Variants in CACNB2 observed in about 807,000 individuals in gnomAD.
CACNB2 encodes voltage-dependent L-type calcium channel subunit beta-2.
In CACNB2, 42 loss-of-function variants were observed where a neutral mutation model predicts 73.3. That is an observed-to-expected ratio of 0.57 (90% confidence interval 0.45 to 0.74). The LOEUF is 0.74. CACNB2 is among the 30% of genes least tolerant of loss of function. The probability of loss-of-function intolerance (pLI) is 0.00; values close to 1 mark genes in which losing one functional copy is unlikely to be tolerated. For missense variants in CACNB2, 940 were observed against 853.0 expected (o/e 1.10, Z -1.27); for synonymous variants, 348 against 310.3 (o/e 1.12, Z -1.28).
chr10:18,240,578 C>T (rs1352127657), intron 2 of CACNB2, among the ~76,000 whole-genome samples: 2 of 152,200 alleles, frequency 1.3e-5, no homozygotes, highest in Non-Finnish European at 2.9e-5. Context: ...TCAGACTCAA[C>T]ACATCCAAAA....
At chr10:18,395,740 G>A (rs564022915) in intron 2 of CACNB2, among the ~76,000 whole-genome samples, 2 of 152,226 alleles carry the variant, frequency 1.3e-5, no homozygotes, top group South Asian at 2.1e-4. Flanking sequence ...ACCCTGCAGC[G>A]ATGTATTGCT....
intron 9 of CACNB2, among the ~76,000 whole-genome samples, chr10:18,525,372 G>A (rs886231281): frequency 2.0e-5 from 3 of 152,098 alleles, no homozygotes; most frequent in African/African-American, 7.2e-5. Flanking sequence ...TAGCCTGAAT[G>A]TTTACAAACC....
intron 5 of CACNB2, among the ~76,000 whole-genome samples, chr10:18,501,423 G>C (rs562837706): frequency 6.6e-6 from 1 of 152,198 alleles, no homozygotes; most frequent in Non-Finnish European, 1.5e-5. Context: ...TCTACCCACT[G>C]TTAAGCACTT....
chr10:18,451,316 G>C (rs541102722), intron 3 of CACNB2, among the ~76,000 whole-genome samples: 2 of 152,196 alleles, frequency 1.3e-5, no homozygotes, highest in Admixed American at 6.5e-5. Context: ...TTTAAGAAGA[G>C]ATTTAGAAGC....
chr10:18,433,521 G>C (rs2045988994), intron 3 of CACNB2, among the ~76,000 whole-genome samples: 1 of 152,100 alleles, frequency 6.6e-6, no homozygotes, highest in African/African-American at 2.4e-5. Context: ...CTTTGTATGA[G>C]TTGCCTTGGT....
chr10:18,337,190 C>T (rs563664950), intron 2 of CACNB2, among the ~76,000 whole-genome samples: 5 of 151,970 alleles, frequency 3.3e-5, no homozygotes, highest in African/African-American at 4.8e-5. Flanking sequence ...TGTGTAGTAG[C>T]GTAATCTTGG....
chr10:18,467,014 C>T (rs1294182952), intron 3 of CACNB2, among the ~76,000 whole-genome samples: 2 of 151,954 alleles, frequency 1.3e-5, no homozygotes, highest in Non-Finnish European at 2.9e-5. Context: ...ATTAGCCGGG[C>T]ATGGTGGCAG....
At position 18,153,563 on chromosome 10, in the gene CACNB2, C is replaced by CTTATTTATTTATTTAT. The variant is rs57218845; in HGVS notation, c.213+2607_213+2622dup. On this transcript the variant is annotated intron_variant, in intron 2 of 13. Transcript: ENST00000324631. ...GTGACAATGGGCACACTAGATTTTACTTATTTATTTATTTATTTATTTATT... is the reference window on the plus strand; with the variant it reads ...GTGACAATGGGCACACTAGATTTTACTTATTTATTTATTTATTTATTTATTTATTTATTTATTTATT... Among the ~76,000 whole-genome samples the CTTATTTATTTATTTAT allele has an allele frequency of 8.1e-3, 1,155 of 142,732 alleles. 15 individuals carry two copies. Among genetic ancestry groups the CTTATTTATTTATTTAT allele is most frequent in the African/African-American group, 0.024 (903 of 37,760 alleles). The allele number at this position is 142,732 out of a possible 152,430, so 93.6% of individuals were successfully genotyped here.
intron 3 of CACNB2, among the ~76,000 whole-genome samples, chr10:18,406,765 C>G (rs2044309102): frequency 6.6e-6 from 1 of 152,156 alleles, no homozygotes. Context: ...TCCCCAAACC[C>G]CAGTCCATGG....
intron 7 of CACNB2, among the ~76,000 whole-genome samples, chr10:18,516,146 C>A (rs574651254): frequency 6.6e-6 from 1 of 151,904 alleles, no homozygotes; most frequent in Non-Finnish European, 1.5e-5. Context: ...ACCCGGAAGG[C>A]GGAGATTGCA....
chr10:18,505,369 T>A (rs892389524), intron 5 of CACNB2, among the ~76,000 whole-genome samples: 10 of 152,212 alleles, frequency 6.6e-5, no homozygotes, highest in Non-Finnish European at 8.8e-5. Flanking sequence ...TCTGATGCCC[T>A]TATTAAATGT....
intron 3 of CACNB2, among the ~76,000 whole-genome samples, chr10:18,445,279 A>G (rs900327533): frequency 2.6e-5 from 4 of 152,356 alleles, no homozygotes; most frequent in East Asian, 3.9e-4. Context: ...ACAAATTACT[A>G]TGTCCGATAG....
chr10:18,471,247 A>G (rs1286709485), intron 3 of CACNB2, among the ~76,000 whole-genome samples: 1 of 152,184 alleles, frequency 6.6e-6, no homozygotes, highest in African/African-American at 2.4e-5. Context: ...CGGAGGTTGC[A>G]TTGAGCCAAG....
chr10:18,265,693 C>G (rs116457042), intron 2 of CACNB2, among the ~76,000 whole-genome samples: 152 of 152,120 alleles, frequency 1.0e-3, no homozygotes, highest in African/African-American at 3.5e-3. Flanking sequence ...CTTTGAGTCT[C>G]GGTTTTCTCA....
chr10:18,276,072 TA>T (rs2038274665), intron 2 of CACNB2, among the ~76,000 whole-genome samples: 1 of 152,210 alleles, frequency 6.6e-6, no homozygotes, highest in African/African-American at 2.4e-5. Flanking sequence ...TAATCTCAAA[TA>T]ATAACTAATC....
intron 2 of CACNB2, among the ~76,000 whole-genome samples, chr10:18,334,767 G>A (rs56177813): frequency 0.078 from 11,874 of 152,090 alleles, 644 homozygotes; most frequent in Non-Finnish European, 0.12. Flanking sequence ...ACCCCCATTC[G>A]AGAACCACTG....
chr10:18,400,735 A>C, intron 2 of CACNB2: 1 of 1,287,156 alleles, frequency 7.8e-7, no homozygotes, highest in East Asian at 3.4e-5. Context: ...GAGATGCATT[A>C]AGTTTAGAAC....
intron 2 of CACNB2, chr10:18,261,824 ACTCTTTCAC>A: frequency 2.3e-6 from 1 of 435,656 alleles, no homozygotes; most frequent in South Asian, 1.7e-5. Context: ...TCATCCTGTG[ACTCTTTCAC>A]TGAAATAGCC....
intron 2 of CACNB2, among the ~76,000 whole-genome samples, chr10:18,397,765 T>C (rs1481445213): frequency 3.0e-5 from 4 of 132,898 alleles, no homozygotes; most frequent in Non-Finnish European, 3.3e-5. Flanking sequence ...AATTGAAGAG[T>C]AGATAAAAGC....
Sources: gnomAD v4.1 joint callset for allele counts (sites outside exome capture counted in the v4.1 genomes callset) on GRCh38, gnomAD v4.1.1 for gene constraint, MANE v1.5 for transcripts, NCBI Gene and HGNC (gene_info 2026-07-23, HGNC 2026-07-21) for gene names.